RBFOX1: variants seen among roughly 807,000 people sequenced by gnomAD.
RBFOX1 encodes RNA binding fox-1 homolog 1, also known as RNA binding protein fox-1 homolog 1.
A neutral mutation model predicts 57.7 loss-of-function variants in RBFOX1; 8 were observed. The observed-to-expected ratio is 0.14, with a 90% CI of 0.08 to 0.25. The LOEUF is 0.25. RBFOX1 is among the 10% of genes least tolerant of loss of function. The pLI, the probability that RBFOX1 is intolerant of heterozygous loss-of-function variation, is 1.00. For synonymous variants in RBFOX1, 326 were observed against 222.4 expected, an observed-to-expected ratio of 1.47 and a Z score of -4.15; for missense variants, 611 against 548.5, an observed-to-expected ratio of 1.11 and a Z score of -1.14.
intron 2 of RBFOX1, among the ~76,000 whole-genome samples, chr16:5,553,970 C>CTT (rs36068724): frequency 0.014 from 1,872 of 133,510 alleles, 20 homozygotes; most frequent in Middle Eastern, 0.044. Flanking sequence ...AACACGTATT[C>CTT]TTTTTTTTTT....
intron 2 of RBFOX1, among the ~76,000 whole-genome samples, chr16:6,591,490 A>G (rs1478393925): frequency 2.0e-5 from 3 of 152,160 alleles, no homozygotes; most frequent in South Asian, 2.1e-4. Context: ...TGTGTTATGC[A>G]TATTATACAG....
intron 4 of RBFOX1, among the ~76,000 whole-genome samples, chr16:7,380,605 C>G (rs900680225): frequency 2.0e-5 from 3 of 152,226 alleles, no homozygotes; most frequent in African/African-American, 7.2e-5. Context: ...TTTCCAAACT[C>G]TGGTCTGCTT....
At chr16:6,679,878 G>GGTTTTT (rs1487919870) in intron 3 of RBFOX1, among the ~76,000 whole-genome samples, 11 of 114,304 alleles carry the variant, frequency 9.6e-5, no homozygotes, top group South Asian at 2.8e-4. Context: ...GTTTCTACTT[G>GGTTTTT]TTTTTTTTTT....
chr16:6,308,666 A>G (rs577385251), intron 1 of RBFOX1, among the ~76,000 whole-genome samples: 2 of 152,270 alleles, frequency 1.3e-5, no homozygotes, highest in South Asian at 2.1e-4. Flanking sequence ...GGGGAAATGC[A>G]TTGGTGTCAC....
intron 3 of RBFOX1, among the ~76,000 whole-genome samples, chr16:6,786,721 C>T (rs1298736969): frequency 6.6e-6 from 1 of 152,118 alleles, no homozygotes; most frequent in Admixed American, 6.5e-5. Flanking sequence ...ACGGTGCTCC[C>T]ATCTAGCTCT....
intron 1 of RBFOX1, among the ~76,000 whole-genome samples, chr16:6,276,936 C>G (rs1388141706): frequency 6.6e-6 from 1 of 151,968 alleles, no homozygotes; most frequent in Admixed American, 6.6e-5. Context: ...TGCCACAGGA[C>G]AAGTGGTCAG....
At chr16:6,102,430 C>G (rs115876286) in intron 1 of RBFOX1, among the ~76,000 whole-genome samples, 2,848 of 152,216 alleles carry the variant, frequency 0.019, 94 homozygotes, top group African/African-American at 0.062. Context: ...AGTCTTACAA[C>G]GGTGTCATTT....
chr16:5,608,704 A>G (rs577621150), intron 3 of RBFOX1, among the ~76,000 whole-genome samples: 2 of 152,344 alleles, frequency 1.3e-5, no homozygotes, highest in East Asian at 3.9e-4. Context: ...GCCCTGTAAT[A>G]GTTGTAGGGC....
At chr16:6,743,925 A>C (rs1266862291) in intron 3 of RBFOX1, among the ~76,000 whole-genome samples, 1 of 151,250 alleles carries the variant, frequency 6.6e-6, no homozygotes, top group Non-Finnish European at 1.5e-5. Context: ...TATACAGTAA[A>C]TGATTTTCCA....
chr16:5,271,969 T>G (rs2063021628), intron 1 of RBFOX1, among the ~76,000 whole-genome samples: 13 of 152,236 alleles, frequency 8.5e-5, no homozygotes, highest in Admixed American at 8.5e-4. Context: ...GTTGTGTGTA[T>G]ATAGTACATT....
At chr16:6,228,482 C>G (rs139816566) in intron 1 of RBFOX1, among the ~76,000 whole-genome samples, 2 of 151,920 alleles carry the variant, frequency 1.3e-5, no homozygotes, top group Non-Finnish European at 2.9e-5. Context: ...ATTCAGCCTT[C>G]AAAAAAGAAG....
At chr16:6,786,967 C>G (rs961223333) in intron 3 of RBFOX1, among the ~76,000 whole-genome samples, 2 of 151,970 alleles carry the variant, frequency 1.3e-5, no homozygotes, top group Admixed American at 6.5e-5. Context: ...ATGACCATGT[C>G]TCCCTCTGCA....
rs60731674 is a variant in RBFOX1 at position 6,680,294 on chromosome 16, T to TTTTTTG, written c.-16+25644_-16+25645insTTTTTG. On this transcript the variant is annotated intron_variant, in intron 3 of 15. Coordinates refer to ENST00000550418, the MANE Select transcript of RBFOX1 (RefSeq NM_018723.4). ...TCTCTCTTTTTTTTTTTTTTTTTTTTATTTGTCGCCCAGGCTGGAGTGCAG... is the reference window on the plus strand; with the variant it reads ...TCTCTCTTTTTTTTTTTTTTTTTTTTTTTTTGATTTGTCGCCCAGGCTGGAGTGCAG... 2.4e-3 allele frequency among the ~76,000 whole-genome samples: 251 copies of TTTTTTG among 102,986 alleles called. 1 individual carries two copies. Among genetic ancestry groups the TTTTTTG allele is most frequent in the Non-Finnish European group, 3.0e-3 (155 of 51,704 alleles). The allele number at this position is 102,986 out of a possible 152,430, so 67.6% of individuals were successfully genotyped here. A position where few individuals can be genotyped will look rare whatever the true frequency, so the allele number is the denominator to read the frequency against.
chr16:6,387,957 C>T (rs905841761), intron 2 of RBFOX1, among the ~76,000 whole-genome samples: 1 of 143,850 alleles, frequency 7.0e-6, no homozygotes, highest in South Asian at 2.3e-4. Flanking sequence ...GAACCAGTGA[C>T]ATGAAGTTTG....
intron 2 of RBFOX1, among the ~76,000 whole-genome samples, chr16:5,494,095 G>A (rs1305433914): frequency 2.0e-5 from 3 of 152,162 alleles, no homozygotes; most frequent in Non-Finnish European, 4.4e-5. Flanking sequence ...CTTTCTGCTT[G>A]TCCTTACTCA....
intron 3 of RBFOX1, among the ~76,000 whole-genome samples, chr16:5,809,477 G>GA (rs373615997): frequency 6.6e-6 from 1 of 151,796 alleles, no homozygotes; most frequent in African/African-American, 2.4e-5. Flanking sequence ...AAATTTACAA[G>GA]AAAAAAACAA....
At chr16:7,388,643 A>ATTT (rs1220247977) in intron 4 of RBFOX1, among the ~76,000 whole-genome samples, 2 of 95,226 alleles carry the variant, frequency 2.1e-5, no homozygotes, top group Admixed American at 1.2e-4. Context: ...GGTTTCACTT[A>ATTT]CTTTTTTTTT....
chr16:7,437,188 T>G (rs1822961037), intron 4 of RBFOX1, among the ~76,000 whole-genome samples: 1 of 152,134 alleles, frequency 6.6e-6, no homozygotes, highest in Non-Finnish European at 1.5e-5. Context: ...AGTAGAATTT[T>G]CCAAGTTCAC....
chr16:5,626,144 T>A lies in RBFOX1; in HGVS notation c.318+27183T>A, dbSNP rs574935538. Among the ~76,000 whole-genome samples, 236 of 152,228 alleles carry A rather than the reference T, an allele frequency of 1.6e-3. 1 individual carries two copies. The highest frequency in any genetic ancestry group is 5.2e-3 in the African/African-American group (215 of 41,546). On this transcript the variant is annotated intron_variant, in intron 3 of 19. Coordinates refer to the RBFOX1 transcript ENST00000641259. The stretch of plus-strand genomic sequence containing the variant: ...ATCTGCCCGCCTCGGCCTCCCAAAG[T>A]GCTGGGATTACAGGCGTGAGCCACC...
Sources: allele counts gnomAD v4.1 joint callset (sites outside exome capture counted in the v4.1 genomes callset), GRCh38; gene constraint gnomAD v4.1.1; transcripts MANE v1.5; gene names NCBI Gene and HGNC (gene_info 2026-07-23, HGNC 2026-07-21).